Variants in C16orf96 observed in about 807,000 individuals in gnomAD.
C16orf96 encodes uncharacterized protein C16orf96.
A neutral mutation model predicts 103.6 loss-of-function variants in C16orf96; 108 were observed. The ratio of observed to expected loss-of-function variants is 1.04; its 90% confidence interval spans 0.89 to 1.22. The LOEUF (loss-of-function observed/expected upper bound fraction) is 1.22, where lower values mean the gene tolerates loss of function less well. Among genes scored for constraint, C16orf96 ranks in the 50% most tolerant of loss-of-function variants. The pLI, the probability that C16orf96 is intolerant of heterozygous loss-of-function variation, is 0.00. For synonymous variants in C16orf96, 566 were observed against 593.5 expected, an observed-to-expected ratio of 0.95 and a Z score of 0.67; for missense variants, 1,586 against 1,464.2, an observed-to-expected ratio of 1.08 and a Z score of -1.36.
chr16:4,581,166 ATATATATATATATATAT>A (rs2059583137), intron 7 of C16orf96, among the ~76,000 whole-genome samples: 1 of 121,110 alleles, frequency 8.3e-6, no homozygotes, highest in Admixed American at 8.3e-5. Context: ...ATATATATAT[ATATATATATATATATAT>A]AATTAGCCAG....
intron 1 of C16orf96, among the ~76,000 whole-genome samples, chr16:4,563,593 G>A (rs2059355584): frequency 6.6e-6 from 1 of 151,810 alleles, no homozygotes; most frequent in East Asian, 1.9e-4. Flanking sequence ...TTTTGAGACG[G>A]AGTCTCGCTC....
chr16:4,549,423 A>C, the C16orf96 span, among the ~76,000 whole-genome samples: 1 of 150,888 alleles, frequency 6.6e-6, no homozygotes, highest in Non-Finnish European at 1.5e-5. Flanking sequence ...CAGTGAGCCA[A>C]GATCGCGCCA....
rs775746017 is a variant in C16orf96, at chr16:4,574,945, C to T, written c.607-27C>T. Reference sequence around the variant, plus strand: ...GACACTGCCCCCTCCAGGCTCACAGCCCTCATTTTCTACCCCCACCTTGCA... The same window carrying T: ...GACACTGCCCCCTCCAGGCTCACAGTCCTCATTTTCTACCCCCACCTTGCA... On this transcript the variant is annotated intron_variant, in intron 3 of 15. Coordinates refer to ENST00000444310, the MANE Select transcript of C16orf96 (RefSeq NM_001145011.2). The T allele has an allele frequency of 2.5e-5, 38 of 1,547,314 alleles. No homozygotes were observed. In the South Asian group the frequency reaches 4.3e-4, roughly 17 times the overall value.
chr16:4,597,237 G>A (rs1397515292), intron 14 of C16orf96, among the ~76,000 whole-genome samples: 4 of 152,186 alleles, frequency 2.6e-5, no homozygotes, highest in South Asian at 2.1e-4. Context: ...GCTCAGGCTG[G>A]GCGTCAGGGA....
Position 4,578,930 on chromosome 16 carries a change from C to T in C16orf96, c.2156-10C>T. 1.0e-5 allele frequency: 16 copies of T among 1,549,868 alleles called. No individual in the cohort carries two copies. Among genetic ancestry groups the T allele is most frequent in the Non-Finnish European group, 1.4e-5 (16 of 1,145,532 alleles). ...GAGCCCTCAGCAGCCACCCTGTCCT[C>T]TGCTTTCAGCCAATATGGGAGGTCC... is the stretch of plus-strand genomic sequence containing the variant. On this transcript the variant is annotated splice_polypyrimidine_tract_variant and intron_variant, in intron 5 of 15. Transcript: ENST00000444310.
At chr16:4,558,450 T>TA (rs976909175) in intron 1 of C16orf96, among the ~76,000 whole-genome samples, 129 of 151,800 alleles carry the variant, frequency 8.5e-4, no homozygotes, top group African/African-American at 2.8e-3. Context: ...CTCATCTCTA[T>TA]AAAAAAATGA....
At chr16:4,583,099 G>A (rs1286995808) in intron 7 of C16orf96, among the ~76,000 whole-genome samples, 5 of 152,102 alleles carry the variant, frequency 3.3e-5, no homozygotes, top group African/African-American at 4.8e-5. Flanking sequence ...TCAGCTGGGC[G>A]TGGTTGCGGG....
chr16:4,551,448 TTTTG>T (rs921158852), upstream of C16orf96, among the ~76,000 whole-genome samples: 11 of 152,176 alleles, frequency 7.2e-5, no homozygotes, highest in South Asian at 2.1e-4. Flanking sequence ...ATTTCGGGAC[TTTTG>T]TTTGTTTGTT....
Position 4,593,050 on chromosome 16 carries a change from CG to C in C16orf96, c.2775-167del, listed in dbSNP as rs981380365. On this transcript the variant is annotated intron_variant, in intron 11 of 15. Coordinates refer to ENST00000444310, the MANE Select transcript of C16orf96 (RefSeq NM_001145011.2). The surrounding 1 kb of genome is among the most constrained non-coding windows in gnomAD (Gnocchi z 4.2). ...TGATCAGAGGTCCTGAGATGCCTTT[CG>C]GGGGGGCCCCTTCTACTTCTATGCT... Among the ~76,000 whole-genome samples the C allele has an allele frequency of 6.6e-6, 1 of 152,032 alleles. No homozygotes were observed. The highest frequency in any genetic ancestry group is 2.1e-4 in the South Asian group (1 of 4,822).
chr16:4,576,650 G>A lies in C16orf96; in HGVS notation c.2155+15G>A. The stretch of plus-strand genomic sequence containing the variant: ...GAGTTATCTAGGTAGGCCTGGTCTG[G>A]CCCTGGGAAGGGCACAAGGGAGTGG... On this transcript the variant is annotated intron_variant, in intron 5 of 15. Coordinates refer to ENST00000444310, the MANE Select transcript of C16orf96 (RefSeq NM_001145011.2). The A allele has an allele frequency of 1.9e-6, 3 of 1,541,542 alleles. No homozygotes were observed. The South Asian group carries it at 3.7e-5, about 19-fold the overall frequency.
At chr16:4,543,489 T>A in the C16orf96 span, among the ~76,000 whole-genome samples, 1 of 152,062 alleles carries the variant, frequency 6.6e-6, no homozygotes, top group Non-Finnish European at 1.5e-5. Flanking sequence ...TTTAATTAAT[T>A]AATTAATTTA....
intron 7 of C16orf96, among the ~76,000 whole-genome samples, chr16:4,584,969 C>T (rs1896886509): frequency 1.3e-5 from 2 of 152,086 alleles, no homozygotes; most frequent in African/African-American, 4.8e-5. Context: ...CTGCGCCCAG[C>T]CAAAATAATA....
the C16orf96 span, among the ~76,000 whole-genome samples, chr16:4,542,040 G>A: frequency 2.6e-5 from 4 of 152,192 alleles, no homozygotes; most frequent in Non-Finnish European, 4.4e-5. Flanking sequence ...GACCAAGAGA[G>A]GCAAATAGAA....
At chr16:4,563,076 G>A in intron 1 of C16orf96, 1 of 817,856 alleles carries the variant, frequency 1.2e-6, no homozygotes, top group East Asian at 2.5e-5. Flanking sequence ...CCTGTCTTTT[G>A]CTTCTTTACA....
In C16orf96 at chr16:4,593,260, CCGGCTG is replaced by C. The variant is rs1897099855; in HGVS notation, c.2816_2821del (p.Leu939_Arg940del). ...CCATCCGCAAAGCCCACCTGCTGTC[CCGGCTG>C]CGGCCAGCCAGCGCCAACAGCTGCG... is the stretch of plus-strand genomic sequence containing the variant. On this transcript the variant is annotated inframe_deletion, in exon 12 of 16. Transcript: ENST00000444310. The surrounding 1 kb of genome is among the most constrained non-coding windows in gnomAD (Gnocchi z 4.2). 1.3e-6 allele frequency: 2 copies of C among 1,551,026 alleles called. No homozygotes were observed. Among genetic ancestry groups the C allele is most frequent in the Non-Finnish European group, 1.7e-6 (2 of 1,146,914 alleles).
At chr16:4,585,747 C>T (rs772542652) in intron 7 of C16orf96, among the ~76,000 whole-genome samples, 3 of 152,190 alleles carry the variant, frequency 2.0e-5, no homozygotes, top group Non-Finnish European at 4.4e-5. Flanking sequence ...GGGGCCTCCT[C>T]GCCTCTCCCA....
At chr16:4,597,054 A>G (rs1475717537) in intron 14 of C16orf96, among the ~76,000 whole-genome samples, 1 of 151,240 alleles carries the variant, frequency 6.6e-6, no homozygotes, top group Non-Finnish European at 1.5e-5. Context: ...AAATAAGGTC[A>G]CATTCACAGC....
At chr16:4,569,699 C>CA (rs5815209) in intron 1 of C16orf96, among the ~76,000 whole-genome samples, 81,453 of 129,246 alleles carry the variant, frequency 0.63, 26,547 homozygotes, top group East Asian at 0.87. Flanking sequence ...GACTCTGTCT[C>CA]AAAAAAAAAA....
At chr16:4,579,155 C>G in intron 6 of C16orf96, 130 bp downstream of exon 6, 1 of 836,132 alleles carries the variant, frequency 1.2e-6, no homozygotes, top group Non-Finnish European at 1.9e-6. Context: ...GGAAAGCGAG[C>G]TGGCTGCGAA....
Sources: gnomAD v4.1 joint callset for allele counts (sites outside exome capture counted in the v4.1 genomes callset) on GRCh38, gnomAD v4.1.1 for gene constraint, Gnocchi (gnomAD v3.1) non-coding constraint, MANE v1.5 for transcripts, NCBI Gene and HGNC (gene_info 2026-07-23, HGNC 2026-07-21) for gene names.